Variants in ENDOV observed in about 807,000 individuals in gnomAD.
ENDOV encodes the protein endonuclease V, also known as hEndoV.
In ENDOV, 37 loss-of-function variants were observed where a neutral mutation model predicts 39.4. The observed-to-expected ratio is 0.94, with a 90% CI of 0.72 to 1.23. The LOEUF (loss-of-function observed/expected upper bound fraction) is 1.23. Ranked by LOEUF, ENDOV falls within the 50% of genes most tolerant of loss-of-function variation. ENDOV has a pLI of 0.00. For missense variants in ENDOV, 441 were observed against 375.7 expected (o/e 1.17, Z -1.44); for synonymous variants, 186 against 163.4 (o/e 1.14, Z -1.05).
chr17:80,434,233 T>G (rs2083480675), intron 9 of ENDOV, among the ~76,000 whole-genome samples: 1 of 152,234 alleles, frequency 6.6e-6, no homozygotes, highest in South Asian at 2.1e-4. Context: ...CTTCCTTCTC[T>G]TGGCATAATG....
At chr17:80,430,114 G>A (rs1263814884) in intron 9 of ENDOV, 1 of 1,533,684 alleles carries the variant, frequency 6.5e-7, no homozygotes, top group Non-Finnish European at 8.7e-7. Flanking sequence ...CCCAGCACCA[G>A]GTGGGGCAGA....
At chr17:80,431,301 G>A (rs567684940) in intron 9 of ENDOV, among the ~76,000 whole-genome samples, 3 of 152,302 alleles carry the variant, frequency 2.0e-5, no homozygotes, top group South Asian at 4.2e-4. Context: ...ACCCGCCTGC[G>A]CTCACTCGAA....
chr17:80,429,988 G>A, intron 9 of ENDOV, 157 bp downstream of exon 9: 2 of 1,541,386 alleles, frequency 1.3e-6, no homozygotes, highest in South Asian at 2.4e-5. Context: ...TCAGGACACT[G>A]ACCACCCCTG....
chr17:80,430,014 C>T (rs1316914492), intron 9 of ENDOV, 183 bp downstream of exon 9: 1 of 1,536,650 alleles, frequency 6.5e-7, no homozygotes, highest in Non-Finnish European at 8.7e-7. Flanking sequence ...GGTCTAGGGA[C>T]TTAGGGGAAC....
intron 2 of ENDOV, chr17:80,417,249 T>G (rs4531782): frequency 0.56 from 85,094 of 152,170 alleles, 24,591 homozygotes; most frequent in Middle Eastern, 0.65. Flanking sequence ...CCTCACGTGT[T>G]TGCTACGCTG....
At position 80,415,544 on chromosome 17, in the gene ENDOV, C is replaced by T. The variant is rs41298662; in HGVS notation, c.57-106C>T. 2,010 of 1,374,888 alleles carry T rather than the reference C, an allele frequency of 1.5e-3. 30 individuals carry two copies. The African/African-American group carries it at 0.027, about 18-fold the overall frequency. The allele number at this position is 1,374,888 out of a possible 1,614,324, so 85.2% of individuals were successfully genotyped here. A position where few individuals can be genotyped will look rare whatever the true frequency, so the allele number is the denominator to read the frequency against. The stretch of plus-strand genomic sequence containing the variant: ...GTATGTCCCTTGCTTTCCCTTGAAG[C>T]GGGAGAAGACCCGGCAGAGGCGCTC... On this transcript the variant is annotated intron_variant, in intron 1 of 9. Transcript: ENST00000518137.
In ENDOV at chr17:80,429,804, C is replaced by T; in HGVS notation, c.811C>T (p.Pro271Ser). 1 of 1,612,478 alleles carries T rather than the reference C, an allele frequency of 6.2e-7. No homozygotes were observed. Among genetic ancestry groups the T allele is most frequent in the Non-Finnish European group, 8.5e-7 (1 of 1,179,700 alleles). ...SPKAQRPVAC[P>S]KGDSGESSAL... The stretch of plus-strand genomic sequence containing the variant: ...GAAGGCGCAGAGGCCAGTGGCATGC[C>T]CCAAAGGAGACTCCGGAGAGTCCTC... The change falls in exon 9 of 10, where the codon CCC becomes TCC. Residue 271 changes from proline to serine, a missense_variant. Pro to Ser is a moderately conservative substitution (Grantham distance 74, BLOSUM62 -1). Transcript: ENST00000518137.
chr17:80,424,547 C>T (rs2082448219), intron 5 of ENDOV, among the ~76,000 whole-genome samples: 2 of 152,256 alleles, frequency 1.3e-5, no homozygotes, highest in Non-Finnish European at 2.9e-5. Context: ...GACAAGACCA[C>T]TTCACCGCCT....
In ENDOV at chr17:80,423,501, C is replaced by T. The variant is rs1242329024; in HGVS notation, c.404-19C>T. The T allele has an allele frequency of 2.6e-6, 4 of 1,544,676 alleles. No homozygotes were observed. The East Asian group carries it at 7.4e-5, about 28-fold the overall frequency. ...CCCAGCCCCACCTCCCCAACCCCAC[C>T]CTCCTTTCTCTCTGGCAGGCTTTGG... On this transcript the variant is annotated intron_variant, in intron 4 of 9. Coordinates refer to ENST00000518137, the MANE Select transcript of ENDOV (RefSeq NM_173627.5).
chr17:80,435,742 G>A (rs1008354883), intron 9 of ENDOV, among the ~76,000 whole-genome samples: 7 of 151,882 alleles, frequency 4.6e-5, no homozygotes, highest in African/African-American at 1.7e-4. Flanking sequence ...AGCCTCCTGA[G>A]TAGCTGGGAC....
intron 9 of ENDOV, among the ~76,000 whole-genome samples, chr17:80,430,583 C>T (rs1192418134): frequency 6.6e-6 from 1 of 152,224 alleles, no homozygotes; most frequent in Non-Finnish European, 1.5e-5. Flanking sequence ...GGCCATCCTC[C>T]AGCCTGTCCC....
chr17:80,423,707 C>T, intron 5 of ENDOV, 75 bp downstream of exon 5: 1 of 1,392,886 alleles, frequency 7.2e-7, no homozygotes, highest in Admixed American at 2.0e-5. Context: ...CATGAGGACA[C>T]TTCTGGACCA....
At chr17:80,429,663 G>A (rs566263433) in intron 8 of ENDOV, 110 bp from the exon 9 acceptor site, 2 of 1,039,782 alleles carry the variant, frequency 1.9e-6, no homozygotes, top group South Asian at 1.6e-5. Flanking sequence ...GGCTGTAGCA[G>A]GTCCTGAGTG....
In ENDOV at chr17:80,423,649, T is replaced by C. The variant is rs1021996766; in HGVS notation, c.516+17T>C. 1.3e-6 allele frequency: 2 copies of C among 1,546,360 alleles called. No homozygotes were observed. Among genetic ancestry groups the C allele is most frequent in the Non-Finnish European group, 1.7e-6 (2 of 1,144,896 alleles). On this transcript the variant is annotated intron_variant, in intron 5 of 9. Transcript: ENST00000518137. ...AAGGAGAAGGTGAGGAGGGGCCTGC[T>C]GCAGGCCATGCCCGGCAGCTCAGTG...
At chr17:80,421,590 T>TG (rs1348897611) in intron 2 of ENDOV, among the ~76,000 whole-genome samples, 5 of 146,064 alleles carry the variant, frequency 3.4e-5, no homozygotes, top group South Asian at 2.2e-4. Context: ...GACCAGGTCC[T>TG]GGGGGGGTCT....
At chr17:80,427,428 T>TA in intron 7 of ENDOV, 1 of 985,402 alleles carries the variant, frequency 1.0e-6, no homozygotes. Context: ...ACCTGGCCTG[T>TA]GAGTACCTTA....
rs767467063 is a variant in ENDOV, at chr17:80,422,261, G to A, written c.403+16G>A. On this transcript the variant is annotated intron_variant, in intron 4 of 9. Transcript: ENST00000518137. ...CACCACCGAGGTAATCCTGCTCTTG[G>A]AGGTCCAGGGAGGGCACTGTGGGGA... The A allele has an allele frequency of 1.9e-6, 3 of 1,613,458 alleles. No individual in the cohort carries two copies. The South Asian group carries it at 3.3e-5, about 18-fold the overall frequency.
At chr17:80,422,639 A>G (rs1371933939) in intron 4 of ENDOV, among the ~76,000 whole-genome samples, 1 of 152,198 alleles carries the variant, frequency 6.6e-6, no homozygotes, top group Admixed American at 6.5e-5. Context: ...ACAACTAGAC[A>G]GGTGTACCCA....
intron 2 of ENDOV, among the ~76,000 whole-genome samples, chr17:80,421,601 G>A (rs981256788): frequency 1.0e-4 from 15 of 145,608 alleles, no homozygotes; most frequent in Non-Finnish European, 1.4e-4. Flanking sequence ...GGGGGGGTCT[G>A]CTCCTATGGA....
Sources: allele counts gnomAD v4.1 joint callset (sites outside exome capture counted in the v4.1 genomes callset), GRCh38; gene constraint gnomAD v4.1.1; transcripts MANE v1.5; gene names NCBI Gene and HGNC (gene_info 2026-07-23, HGNC 2026-07-21).